Variants in SLC17A5 observed in about 807,000 individuals in gnomAD.
The protein encoded by SLC17A5 is solute carrier family 17 member 5.
A neutral mutation model predicts 59.4 loss-of-function variants in SLC17A5; 47 were observed. That is an observed-to-expected ratio of 0.79 (90% CI 0.63 to 1.01). The LOEUF is 1.01. Among genes scored for constraint, SLC17A5 ranks in the 50% least tolerant of loss-of-function variants. The pLI, the probability that SLC17A5 is intolerant of heterozygous loss-of-function variation, is 0.00. For missense variants in SLC17A5, 522 were observed against 595.5 expected, an observed-to-expected ratio of 0.88 and a Z score of 1.28; for synonymous variants, 202 against 210.7, an observed-to-expected ratio of 0.96 and a Z score of 0.36.
At chr6:73,651,474 A>AC (rs1769863470) in intron 1 of SLC17A5, among the ~76,000 whole-genome samples, 2 of 150,778 alleles carry the variant, frequency 1.3e-5, no homozygotes, top group South Asian at 4.2e-4. Flanking sequence ...AAAAAAAAAA[A>AC]AAAAAAAAAA....
At chr6:73,632,209 A>G (rs1768762159) in intron 6 of SLC17A5, among the ~76,000 whole-genome samples, 1 of 147,738 alleles carries the variant, frequency 6.8e-6, no homozygotes, top group Admixed American at 6.8e-5. Context: ...TGAGGTGGGA[A>G]GACTGCTTGA....
Position 73,638,623 on chromosome 6 carries a change from T to C in SLC17A5, c.526-124A>G, listed in dbSNP as rs973808093. On this transcript the variant is annotated intron_variant, in intron 3 of 10. Coordinates refer to ENST00000355773, the MANE Select transcript of SLC17A5 (RefSeq NM_012434.5). The stretch of plus-strand genomic sequence containing the variant: ...TAAGAATCAAACGAATCAGGTTCCA[T>C]GAAATGAGAAATTTTTACAGTGTTA... The C allele has an allele frequency of 3.9e-6, 3 of 772,480 alleles. No individual in the cohort carries two copies. The African/African-American group carries it at 5.2e-5, about 13-fold the overall frequency. The allele number at this position is 772,480 out of a possible 1,614,324, so 47.9% of individuals were successfully genotyped here. A position where few individuals can be genotyped will look rare whatever the true frequency, so the allele number is the denominator to read the frequency against.
chr6:73,623,899 G>A (rs181690138), intron 6 of SLC17A5, among the ~76,000 whole-genome samples: 10 of 150,336 alleles, frequency 6.7e-5, no homozygotes, highest in Non-Finnish European at 1.2e-4. Context: ...GAGTTTCACC[G>A]TGTTAGCCAG....
At chr6:73,627,101 G>A (rs1373866444) in intron 6 of SLC17A5, among the ~76,000 whole-genome samples, 1 of 149,674 alleles carries the variant, frequency 6.7e-6, no homozygotes, top group Non-Finnish European at 1.5e-5. Flanking sequence ...TTCTTGAGAC[G>A]GAGTCTCGCT....
At chr6:73,597,302 C>T (rs1181084292) in intron 10 of SLC17A5, among the ~76,000 whole-genome samples, 2 of 146,514 alleles carry the variant, frequency 1.4e-5, no homozygotes, top group African/African-American at 2.5e-5. Flanking sequence ...CCCGTCTCTA[C>T]TAAAAAGACA....
intron 5 of SLC17A5, among the ~76,000 whole-genome samples, chr6:73,636,310 AC>A (rs1768995362): frequency 6.6e-6 from 1 of 151,896 alleles, no homozygotes; most frequent in African/African-American, 2.4e-5. Context: ...CATTAAAACT[AC>A]CAAGTGAGAA....
chr6:73,624,882 A>ATAT (rs1561993838), intron 6 of SLC17A5, among the ~76,000 whole-genome samples: 1 of 151,558 alleles, frequency 6.6e-6, no homozygotes, highest in African/African-American at 2.4e-5. Flanking sequence ...AAAAGAAAAC[A>ATAT]ATATATATAT....
chr6:73,598,804 G>A (rs1416956952), intron 10 of SLC17A5, among the ~76,000 whole-genome samples: 1 of 151,556 alleles, frequency 6.6e-6, no homozygotes, highest in Non-Finnish European at 1.5e-5. Flanking sequence ...GACCAACATG[G>A]AGAAGCTCCG....
rs767100319 is a variant in SLC17A5, at chr6:73,641,722, A to T, written c.494T>A (p.Ile165Asn). 3.1e-6 allele frequency: 5 copies of T among 1,614,086 alleles called. No individual in the cohort carries two copies. Among genetic ancestry groups the T allele is most frequent in the Non-Finnish European group, 4.2e-6 (5 of 1,179,958 alleles). Reference sequence around the variant, plus strand: ...TAGTCCTTCTAGTGCTCTGAGTACAATGAGTGGTCCAACTCCTAAATCTGC... The same window carrying T: ...TAGTCCTTCTAGTGCTCTGAGTACATTGAGTGGTCCAACTCCTAAATCTGC... The part of the protein sequence containing the change: ...IAADLGVGPL[I>N]VLRALEGLGE... The change falls in exon 3 of 11, where the codon ATT becomes AAT. Residue 165 changes from isoleucine (I) to asparagine (N), a missense_variant. By Grantham distance (149) the Ile-to-Asn change is moderately radical. Coordinates refer to ENST00000355773, the MANE Select transcript of SLC17A5 (RefSeq NM_012434.5).
At chr6:73,597,868 G>A (rs571401542) in intron 10 of SLC17A5, among the ~76,000 whole-genome samples, 2 of 152,066 alleles carry the variant, frequency 1.3e-5, no homozygotes, top group Non-Finnish European at 2.9e-5. Flanking sequence ...AGAAGGCACT[G>A]GGAAGCCAGT....
At chr6:73,626,404 C>T (rs527885281) in intron 6 of SLC17A5, among the ~76,000 whole-genome samples, 2 of 152,334 alleles carry the variant, frequency 1.3e-5, no homozygotes, top group South Asian at 4.1e-4. Context: ...AGGTACAACA[C>T]AACAGTTTTC....
intron 7 of SLC17A5, among the ~76,000 whole-genome samples, chr6:73,617,878 T>C (rs953015961): frequency 4.0e-5 from 6 of 150,672 alleles, no homozygotes; most frequent in Non-Finnish European, 8.9e-5. Context: ...CCTTCCACAG[T>C]TGTTAAGTTT....
Position 73,621,842 on chromosome 6 carries a change from T to C in SLC17A5, c.940A>G (p.Thr314Ala), listed in dbSNP as rs769392829. The C allele has an allele frequency of 1.2e-6, 2 of 1,612,654 alleles. No homozygotes were observed. Among genetic ancestry groups the C allele is most frequent in the African/African-American group, 2.7e-5 (2 of 74,908 alleles). ...TFYTLLTLLPTYMKEILRFNV... is the reference protein window; with the variant it reads ...TFYTLLTLLPAYMKEILRFNV... ...AACCTTAGGATCTCCTTCATATAAG[T>C]AGGCAATAATGTCAATAAAGTATAA... Residue 314 changes from threonine to alanine, a missense_variant, in exon 7 of 11, where the codon ACT (threonine) becomes GCT (alanine). Physicochemically the swap from Thr to Ala is moderately conservative, Grantham distance 58. Coordinates refer to ENST00000355773, the MANE Select transcript of SLC17A5 (RefSeq NM_012434.5).
chr6:73,639,718 C>T (rs546300959), intron 3 of SLC17A5, among the ~76,000 whole-genome samples: 16 of 152,222 alleles, frequency 1.1e-4, no homozygotes, highest in African/African-American at 3.4e-4. Flanking sequence ...TGAAGAAGGA[C>T]GAGAGAACCT....
chr6:73,632,946 T>A (rs781304677), intron 6 of SLC17A5, among the ~76,000 whole-genome samples: 1 of 152,112 alleles, frequency 6.6e-6, no homozygotes, highest in Non-Finnish European at 1.5e-5. Context: ...AAAAAGTGGG[T>A]AACTCAATTA....
At chr6:73,600,794 C>T (rs1247340333) in intron 9 of SLC17A5, among the ~76,000 whole-genome samples, 1 of 152,180 alleles carries the variant, frequency 6.6e-6, no homozygotes, top group African/African-American at 2.4e-5. Flanking sequence ...AGCCACAGCG[C>T]CTGGCTGCTT....
At chr6:73,608,100 A>C (rs1767479682) in intron 9 of SLC17A5, among the ~76,000 whole-genome samples, 1 of 152,078 alleles carries the variant, frequency 6.6e-6, no homozygotes, top group South Asian at 2.1e-4. Flanking sequence ...GTTTATTTAC[A>C]TCTTCATGTG....
In SLC17A5 at chr6:73,621,921, T is replaced by A. The variant is rs1178173018; in HGVS notation, c.861A>T (p.Lys287Asn). 3 of 1,613,894 alleles carry A rather than the reference T, an allele frequency of 1.9e-6. No homozygotes were observed. The African/African-American group carries it at 4.0e-5, about 22-fold the overall frequency. ...CTACGATAGCCCAAAGTGGCAGGGA[T>A]TTTAAAATGGGTACCCACGGCACTG... Reference protein sequence around the residue: ...QKSVPWVPILKSLPLWAIVVA... With the variant: ...QKSVPWVPILNSLPLWAIVVA... Residue 287 changes from lysine to asparagine, a missense_variant, in exon 7 of 11, where the codon AAA (lysine) becomes AAT (asparagine). Lys to Asn is a moderately conservative substitution (Grantham distance 94, BLOSUM62 0). Transcript: ENST00000355773.
chr6:73,617,066 G>C (rs974719428), intron 7 of SLC17A5, among the ~76,000 whole-genome samples: 1 of 151,374 alleles, frequency 6.6e-6, no homozygotes, highest in African/African-American at 2.4e-5. Context: ...CGCGGAGGAA[G>C]AATCACTTGA....
Sources: allele counts gnomAD v4.1 joint callset (sites outside exome capture counted in the v4.1 genomes callset), GRCh38; gene constraint gnomAD v4.1.1; transcripts MANE v1.5; gene names NCBI Gene and HGNC (gene_info 2026-07-23, HGNC 2026-07-21).